Variants in SUMF1 observed in about 807,000 individuals in gnomAD.
SUMF1 encodes formylglycine-generating enzyme.
A neutral mutation model predicts 47.6 loss-of-function variants in SUMF1; 48 were observed. The observed-to-expected ratio is 1.01, with a 90% CI of 0.80 to 1.28. The LOEUF is 1.28. Ranked by LOEUF, SUMF1 falls within the 50% of genes most tolerant of loss-of-function variation. The probability of loss-of-function intolerance (pLI) is 0.00; values close to 1 mark genes in which losing one functional copy is unlikely to be tolerated. For synonymous variants in SUMF1, 230 were observed against 192.1 expected (o/e 1.20, Z -1.63); for missense variants, 571 against 485.4 (o/e 1.18, Z -1.66).
chr3:4,116,019 G>A (rs1026327225), intron 8 of SUMF1, among the ~76,000 whole-genome samples: 1 of 152,032 alleles, frequency 6.6e-6, no homozygotes, highest in Non-Finnish European at 1.5e-5. Flanking sequence ...TCATGACCCC[G>A]TAATTTGCAG....
chr3:4,104,622 T>C (rs1693115365), intron 8 of SUMF1, among the ~76,000 whole-genome samples: 1 of 152,034 alleles, frequency 6.6e-6, no homozygotes, highest in East Asian at 1.9e-4. Context: ...GTTGGTGTCC[T>C]GTACTAAAGG....
At position 4,408,541 on chromosome 3, in the gene SUMF1, T is replaced by G. The variant is rs554190795; in HGVS notation, c.954+2324A>C. 1.6e-3 allele frequency among the ~76,000 whole-genome samples: 251 copies of G among 152,296 alleles called. 2 individuals are homozygous for G. The highest frequency in any genetic ancestry group is 2.0e-3 in the Non-Finnish European group (137 of 68,008). On this transcript the variant is annotated intron_variant, in intron 7 of 8. Transcript: ENST00000272902. ...GAAGTCATGTGCAAGAATTTATACT[T>G]AATCAGCCAGGTGCAGTGTCCCACA...
intron 8 of SUMF1, among the ~76,000 whole-genome samples, chr3:4,211,171 C>T (rs1188107964): frequency 1.9e-4 from 22 of 116,936 alleles, no homozygotes; most frequent in African/African-American, 6.9e-4. Context: ...TATATATACA[C>T]ACATATATAT....
chr3:4,142,945 A>G (rs1437266540), intron 8 of SUMF1, among the ~76,000 whole-genome samples: 1 of 152,076 alleles, frequency 6.6e-6, no homozygotes, highest in African/African-American at 2.4e-5. Context: ...CAGTCCCAAG[A>G]AGAACTCAGA....
At chr3:4,065,663 A>C (rs1695358717) in intron 9 of SUMF1, among the ~76,000 whole-genome samples, 1 of 152,136 alleles carries the variant, frequency 6.6e-6, no homozygotes, top group African/African-American at 2.4e-5. Context: ...AGAAAAAAAA[A>C]ATTATCATTT....
Position 4,335,960 on chromosome 3 carries a change from C to CAAAAAAAAACAAA in SUMF1, c.1014+40369_1014+40370insTTTGTTTTTTTTT, listed in dbSNP as rs1553558763. 4.1e-5 allele frequency among the ~76,000 whole-genome samples: 3 copies of CAAAAAAAAACAAA among 73,898 alleles called. No homozygotes were observed. The East Asian group carries it at 1.1e-3, about 27-fold the overall frequency. The allele number at this position is 73,898 out of a possible 152,430, so 48.5% of individuals were successfully genotyped here. ...TGGACAACTGAGTGAGATTCCAACT[C>CAAAAAAAAACAAA]AAAAAAAAAAAAAAAAAAAACAGAA... On this transcript the variant is annotated intron_variant and NMD_transcript_variant, in intron 8 of 12. Coordinates refer to the SUMF1 transcript ENST00000448413.
chr3:4,305,123 C>T (rs1559212372), intron 8 of SUMF1, among the ~76,000 whole-genome samples: 1 of 152,020 alleles, frequency 6.6e-6, no homozygotes, highest in African/African-American at 2.4e-5. Flanking sequence ...AGCTTGACTC[C>T]ATCACCCAGG....
At chr3:4,440,243 CAA>C (rs758476250) in intron 3 of SUMF1, among the ~76,000 whole-genome samples, 10 of 30,596 alleles carry the variant, frequency 3.3e-4, no homozygotes, top group Admixed American at 6.8e-4. Context: ...GACTCTGTCT[CAA>C]AAAAAAAAAA....
Position 4,203,919 on chromosome 3 carries a change from C to T in SUMF1, c.1015-135174G>A, listed in dbSNP as rs537481382. On this transcript the variant is annotated intron_variant and NMD_transcript_variant, in intron 8 of 12. Coordinates refer to the SUMF1 transcript ENST00000448413. ...CCTGCTTTTTAACTTTTTGATATCT[C>T]TATCTTATACTTTTGATGTCTTAAA... Among the ~76,000 whole-genome samples the T allele has an allele frequency of 3.2e-4, 48 of 151,846 alleles. No homozygotes were observed. In the South Asian group the frequency reaches 0.01, roughly 32 times the overall value.
chr3:4,263,206 C>T (rs1697122094), intron 8 of SUMF1, among the ~76,000 whole-genome samples: 1 of 152,130 alleles, frequency 6.6e-6, no homozygotes, highest in Non-Finnish European at 1.5e-5. Flanking sequence ...AATGCCTCTC[C>T]ATGTGTATAA....
chr3:4,216,426 A>G (rs1190984121), intron 8 of SUMF1, among the ~76,000 whole-genome samples: 3 of 152,174 alleles, frequency 2.0e-5, no homozygotes, highest in Non-Finnish European at 4.4e-5. Flanking sequence ...AAGACCTAAA[A>G]CCATAAAAAT....
intron 8 of SUMF1, among the ~76,000 whole-genome samples, chr3:4,210,508 A>G (rs1270187507): frequency 6.6e-6 from 1 of 152,160 alleles, no homozygotes; most frequent in Non-Finnish European, 1.5e-5. Flanking sequence ...TGAAGTTCAA[A>G]GGGGAAAGAA....
At chr3:4,035,143 G>C (rs142577604) in intron 9 of SUMF1, among the ~76,000 whole-genome samples, 1 of 152,138 alleles carries the variant, frequency 6.6e-6, no homozygotes, top group Non-Finnish European at 1.5e-5. Flanking sequence ...GTATGAGTTA[G>C]TCTATGGTTT....
intron 8 of SUMF1, among the ~76,000 whole-genome samples, chr3:4,356,075 G>A (rs1046514764): frequency 6.6e-6 from 1 of 152,114 alleles, no homozygotes; most frequent in African/African-American, 2.4e-5. Flanking sequence ...CTAAACACAA[G>A]TCAGAGGAAG....
intron 8 of SUMF1, among the ~76,000 whole-genome samples, chr3:4,168,944 A>G (rs1336164035): frequency 6.6e-6 from 1 of 152,196 alleles, no homozygotes; most frequent in African/African-American, 2.4e-5. Flanking sequence ...CATGGTAGAT[A>G]TTGTTCCAGC....
At chr3:4,157,841 G>A (rs1217028594) in intron 8 of SUMF1, among the ~76,000 whole-genome samples, 1 of 151,208 alleles carries the variant, frequency 6.6e-6, no homozygotes, top group Non-Finnish European at 1.5e-5. Context: ...CTGTCACCGA[G>A]TTAAAAACTA....
intron 8 of SUMF1, among the ~76,000 whole-genome samples, chr3:4,157,976 G>C (rs1200183564): frequency 6.6e-6 from 1 of 151,504 alleles, no homozygotes; most frequent in Non-Finnish European, 1.5e-5. Flanking sequence ...GTATGAGGAA[G>C]TTTAATATAT....
At chr3:4,284,863 G>A (rs982804514) in intron 8 of SUMF1, among the ~76,000 whole-genome samples, 5 of 152,162 alleles carry the variant, frequency 3.3e-5, no homozygotes, top group Non-Finnish European at 1.5e-5. Context: ...TATTTTTCCT[G>A]TAAACTGAAT....
At chr3:4,106,893 A>G (rs2125066130) in intron 8 of SUMF1, among the ~76,000 whole-genome samples, 1 of 152,264 alleles carries the variant, frequency 6.6e-6, no homozygotes, top group African/African-American at 2.4e-5. Context: ...AAGCTATACC[A>G]TCAGGTAAAA....
Sources: gnomAD v4.1 joint callset for allele counts (sites outside exome capture counted in the v4.1 genomes callset) on GRCh38, gnomAD v4.1.1 for gene constraint, MANE v1.5 for transcripts, NCBI Gene and HGNC (gene_info 2026-07-23, HGNC 2026-07-21) for gene names.